Variants in ERICH1 observed in about 807,000 individuals in gnomAD.
ERICH1 encodes glutamate-rich protein 1.
Under a neutral mutation model 39.6 loss-of-function variants are expected in ERICH1, and 56 were observed. The observed-to-expected ratio is 1.41, with a 90% confidence interval of 1.14 to 1.77. The LOEUF is 1.77. Ranked by LOEUF, ERICH1 falls within the 40% of genes most tolerant of loss-of-function variation. The pLI is 0.00. For missense variants in ERICH1, 826 were observed against 575.4 expected, an observed-to-expected ratio of 1.44 and a Z score of -4.45; for synonymous variants, 313 against 223.6, an observed-to-expected ratio of 1.40 and a Z score of -3.57.
At chr8:730,939 GC>G (rs1819840394) in intron 1 of ERICH1, among the ~76,000 whole-genome samples, 200 bp downstream of exon 1, 1 of 152,030 alleles carries the variant, frequency 6.6e-6, no homozygotes, top group Admixed American at 6.5e-5. Flanking sequence ...AGCCATGCAA[GC>G]AACAACACGG....
In ERICH1 at chr8:669,137, G is replaced by A. The variant is rs1262532724; in HGVS notation, c.1064-345C>T. ...CGTCTACACGTCTGTCTGGTGAGACGCCTCCCCTGGCCCGTCTACACGTCT... is the reference window on the plus strand; with the variant it reads ...CGTCTACACGTCTGTCTGGTGAGACACCTCCCCTGGCCCGTCTACACGTCT... On this transcript the variant is annotated intron_variant, in intron 4 of 5. Transcript: ENST00000262109. 11 of 132,568 alleles carry A rather than the reference G, an allele frequency of 8.3e-5. No homozygotes were observed. In the East Asian group the frequency reaches 1.2e-3, roughly 15 times the overall value. The allele number at this position is 132,568 out of a possible 1,614,324, so 8.2% of individuals were successfully genotyped here.
chr8:681,945 CCTGT>C (rs1261349771), intron 3 of ERICH1, among the ~76,000 whole-genome samples: 2 of 152,208 alleles, frequency 1.3e-5, no homozygotes, highest in Non-Finnish European at 2.9e-5. Flanking sequence ...GTCTGATCGC[CCTGT>C]CTGCCTTCAT....
rs540021076 is a variant in ERICH1 at position 626,970 on chromosome 8, G to T, written c.977-11686C>A. ...GAACCCCAACCCGAGCTGTGCCGTG[G>T]AGGAGGAAAGCACAGCTTGGCCTGG... On this transcript the variant is annotated intron_variant, in intron 3 of 3. Coordinates refer to the ERICH1 transcript ENST00000522706. 8 of 384,746 alleles carry T rather than the reference G, an allele frequency of 2.1e-5. No individual in the cohort carries two copies. The East Asian group carries it at 5.9e-4, about 29-fold the overall frequency. The allele number at this position is 384,746 out of a possible 1,614,324, so 23.8% of individuals were successfully genotyped here.
chr8:688,403 G>C (rs1182060100), intron 3 of ERICH1, among the ~76,000 whole-genome samples: 1 of 99,964 alleles, frequency 1.0e-5, no homozygotes, highest in Non-Finnish European at 2.2e-5. Flanking sequence ...GAGGCGCCCA[G>C]GCTCCGCTTC....
At chr8:615,333 A>T in intron 3 of ERICH1, 1 of 632,654 alleles carries the variant, frequency 1.6e-6, no homozygotes, top group Non-Finnish European at 2.8e-6. Context: ...ATTTTAATAC[A>T]ATGTTTATTG....
intron 3 of ERICH1, among the ~76,000 whole-genome samples, chr8:617,261 T>G (rs966859351): frequency 6.6e-6 from 1 of 152,086 alleles, no homozygotes; most frequent in Non-Finnish European, 1.5e-5. Flanking sequence ...GCTGGGAGCG[T>G]GTTCTAAGTC....
chr8:726,947 A>T (rs921190124), intron 1 of ERICH1, among the ~76,000 whole-genome samples: 3 of 148,190 alleles, frequency 2.0e-5, no homozygotes, highest in Non-Finnish European at 4.4e-5. Context: ...TACATACACC[A>T]CACAGGCACA....
At chr8:631,374 G>C (rs62486192) in intron 3 of ERICH1, among the ~76,000 whole-genome samples, 4,018 of 152,332 alleles carry the variant, frequency 0.026, 72 homozygotes, top group African/African-American at 0.044. Context: ...GAAGACAGGA[G>C]GCTACTCAGA....
At chr8:695,284 C>A (rs1039538233) in intron 2 of ERICH1, among the ~76,000 whole-genome samples, 1 of 152,090 alleles carries the variant, frequency 6.6e-6, no homozygotes, top group Admixed American at 6.5e-5. Context: ...CTCCCACCAT[C>A]TTTCAAAGCT....
downstream of ERICH1, among the ~76,000 whole-genome samples, chr8:663,558 C>A (rs902098203): frequency 1.5e-5 from 2 of 133,786 alleles, no homozygotes; most frequent in Admixed American, 7.6e-5. Context: ...CGGGACAGGG[C>A]ACACATGGGT....
intron 1 of ERICH1, 35 bp downstream of exon 1, chr8:731,105 G>T (rs372701430): frequency 2.7e-6 from 4 of 1,454,560 alleles, no homozygotes; most frequent in Non-Finnish European, 3.6e-6. Context: ...GCCGGGTCTG[G>T]GGTCTGGGCA....
chr8:644,334 C>A (rs184397023), intron 3 of ERICH1, among the ~76,000 whole-genome samples: 13 of 152,348 alleles, frequency 8.5e-5, no homozygotes, highest in African/African-American at 3.1e-4. Flanking sequence ...TAAGTTCAGT[C>A]TCTCACTGGG....
intron 2 of ERICH1, among the ~76,000 whole-genome samples, chr8:702,323 G>C (rs1174465326): frequency 6.6e-6 from 1 of 152,108 alleles, no homozygotes; most frequent in Non-Finnish European, 1.5e-5. Context: ...ACCGGGGCCT[G>C]GAGAAACAAG....
rs545989538 is a variant in ERICH1, at chr8:633,580, A to C, written c.977-18296T>G. On this transcript the variant is annotated intron_variant, in intron 3 of 3. Coordinates refer to the ERICH1 transcript ENST00000522706. ...AATCTCAAGGGTTCCTGATTACCCA[A>C]AACAATCCTAAAAAGAACGAAGCTG... 4.6e-5 allele frequency among the ~76,000 whole-genome samples: 7 copies of C among 152,362 alleles called. No homozygotes were observed. The East Asian group carries it at 1.4e-3, about 29-fold the overall frequency.
intron 3 of ERICH1, among the ~76,000 whole-genome samples, chr8:653,059 AC>A (rs1290750388): frequency 6.6e-6 from 1 of 152,216 alleles, no homozygotes. Context: ...AGAAAATGAA[AC>A]CCAGATTTAA....
intron 3 of ERICH1, among the ~76,000 whole-genome samples, chr8:642,645 G>T (rs112767415): frequency 1.4e-3 from 219 of 152,096 alleles, no homozygotes; most frequent in African/African-American, 5.2e-3. Flanking sequence ...AACCACAGTT[G>T]AGAATTTCAC....
intron 1 of ERICH1, among the ~76,000 whole-genome samples, chr8:729,875 G>A (rs568664661): frequency 2.6e-5 from 4 of 151,960 alleles, no homozygotes; most frequent in South Asian, 4.2e-4. Flanking sequence ...GCATAGAGAA[G>A]AGCATTTATT....
intron 3 of ERICH1, among the ~76,000 whole-genome samples, chr8:636,404 C>A (rs546179921): frequency 6.6e-6 from 1 of 152,338 alleles, no homozygotes; most frequent in Non-Finnish European, 1.5e-5. Context: ...GCCTTTTCAT[C>A]GTTCCTCCCT....
chr8:653,921 T>G (rs1419561679), intron 3 of ERICH1, among the ~76,000 whole-genome samples: 2 of 151,700 alleles, frequency 1.3e-5, no homozygotes, highest in African/African-American at 2.4e-5. Context: ...GATGTTATGC[T>G]GGGTGAAATG....
Sources: gnomAD v4.1 joint callset for allele counts (sites outside exome capture counted in the v4.1 genomes callset) on GRCh38, gnomAD v4.1.1 for gene constraint, MANE v1.5 for transcripts, NCBI Gene and HGNC (gene_info 2026-07-23, HGNC 2026-07-21) for gene names.